ZNF567: variants seen among roughly 807,000 people sequenced by gnomAD.
ZNF567 encodes the protein zinc finger protein 567.
A neutral mutation model predicts 53.9 loss-of-function variants in ZNF567; 36 were observed. That is an observed-to-expected ratio of 0.67 (90% CI 0.51 to 0.88). The LOEUF (loss-of-function observed/expected upper bound fraction) is 0.88. Ranked by LOEUF, ZNF567 falls within the 40% of genes least tolerant of loss-of-function variation. The pLI, the probability that ZNF567 is intolerant of heterozygous loss-of-function variation, is 0.00. For missense variants in ZNF567, 619 were observed against 764.7 expected, an observed-to-expected ratio of 0.81 and a Z score of 2.25; for synonymous variants, 224 against 260.4, an observed-to-expected ratio of 0.86 and a Z score of 1.35.
chr19:36,683,688 A>G (rs2038219856), upstream of ZNF567, among the ~76,000 whole-genome samples: 1 of 152,024 alleles, frequency 6.6e-6, no homozygotes, highest in African/African-American at 2.4e-5. Context: ...AAAATTAGCC[A>G]TGCGTGGTGA....
At chr19:36,695,048 C>T (rs1047821293) in intron 3 of ZNF567, among the ~76,000 whole-genome samples, 172 bp downstream of exon 3, 2 of 151,700 alleles carry the variant, frequency 1.3e-5, no homozygotes, top group Admixed American at 6.6e-5. Context: ...TCCACAAATG[C>T]TCCCAATTTT....
chr19:36,723,148 G>C (rs1412780094), downstream of ZNF567: 3 of 702,638 alleles, frequency 4.3e-6, no homozygotes, highest in East Asian at 2.7e-5. Flanking sequence ...CAGAAGAATT[G>C]TACTCATGAC....
chr19:36,697,866 T>C (rs1181400723), intron 3 of ZNF567, among the ~76,000 whole-genome samples: 1 of 151,866 alleles, frequency 6.6e-6, no homozygotes, highest in South Asian at 2.1e-4. Context: ...CTGCCTTGGC[T>C]TCCCCAAGTA....
At chr19:36,704,137 A>T (rs1301995423) in intron 3 of ZNF567, among the ~76,000 whole-genome samples, 1 of 152,092 alleles carries the variant, frequency 6.6e-6, no homozygotes, top group Admixed American at 6.5e-5. Context: ...TGAGTGTTAA[A>T]TTTTCTCAAA....
the ZNF567 span, chr19:36,668,591 A>G: frequency 6.6e-6 from 1 of 152,214 alleles, no homozygotes; most frequent in Non-Finnish European, 1.5e-5. Flanking sequence ...CCTGAACCTT[A>G]GATGTATGCA....
intron 3 of ZNF567, among the ~76,000 whole-genome samples, chr19:36,706,669 G>GT (rs374899379): frequency 0.41 from 44,750 of 107,982 alleles, 9,479 homozygotes; most frequent in East Asian, 0.54. Flanking sequence ...TTTACTGTTG[G>GT]TTTTTTTTTT....
At chr19:36,672,933 A>T in the ZNF567 span, among the ~76,000 whole-genome samples, 5 of 152,348 alleles carry the variant, frequency 3.3e-5, no homozygotes, top group Middle Eastern at 0.01. Context: ...TAACCACGTG[A>T]GCAGTTACAG....
At chr19:36,698,960 C>T (rs2039034333) in intron 3 of ZNF567, among the ~76,000 whole-genome samples, 1 of 152,042 alleles carries the variant, frequency 6.6e-6, no homozygotes, top group African/African-American at 2.4e-5. Context: ...CTTTTGTTGC[C>T]ATTGCTTTTG....
At chr19:36,710,946 A>T (rs2039751267) in intron 3 of ZNF567, among the ~76,000 whole-genome samples, 1 of 152,090 alleles carries the variant, frequency 6.6e-6, no homozygotes, top group African/African-American at 2.4e-5. Flanking sequence ...GCCCTCGGTG[A>T]TCTCTCCAAC....
intron 2 of ZNF567, among the ~76,000 whole-genome samples, chr19:36,694,386 C>A (rs1257757354): frequency 6.6e-6 from 1 of 152,008 alleles, no homozygotes; most frequent in African/African-American, 2.4e-5. Context: ...AAACTAGAAC[C>A]ACAATTTACA....
chr19:36,704,057 C>G (rs2039360804), intron 3 of ZNF567, among the ~76,000 whole-genome samples: 1 of 152,198 alleles, frequency 6.6e-6, no homozygotes, highest in South Asian at 2.1e-4. Context: ...AGAGCTGTTC[C>G]TATTTGGCCT....
the ZNF567 span, among the ~76,000 whole-genome samples, chr19:36,676,313 G>C: frequency 6.6e-6 from 1 of 150,950 alleles, no homozygotes; most frequent in Non-Finnish European, 1.5e-5. Flanking sequence ...TGATCTGCCC[G>C]CCTCAACCTC....
At chr19:36,693,532 C>T (rs2145586874) in intron 2 of ZNF567, among the ~76,000 whole-genome samples, 1 of 152,246 alleles carries the variant, frequency 6.6e-6, no homozygotes, top group East Asian at 1.9e-4. Flanking sequence ...AACTTCCTTA[C>T]ATTTCATGGA....
At position 36,713,451 on chromosome 19, in the gene ZNF567, C is replaced by CAA. The variant is rs34536917; in HGVS notation, c.223+595_223+596dup. On this transcript the variant is annotated intron_variant, in intron 5 of 5. Coordinates refer to ENST00000682579, the MANE Select transcript of ZNF567 (RefSeq NM_001322917.1). ...TGGGAGACAGAGCAAGAGCCTGTCT[C>CAA]AAAAAAAAAAAAGCCAGGAATGATG... Among the ~76,000 whole-genome samples the CAA allele has an allele frequency of 4.0e-3, 543 of 136,826 alleles. 2 individuals carry two copies. The highest frequency in any genetic ancestry group is 0.013 in the African/African-American group (467 of 37,254). The allele number at this position is 136,826 out of a possible 152,430, so 89.8% of individuals were successfully genotyped here.
chr19:36,709,838 C>T (rs907062458), intron 3 of ZNF567, among the ~76,000 whole-genome samples: 1 of 152,150 alleles, frequency 6.6e-6, no homozygotes, highest in Non-Finnish European at 1.5e-5. Flanking sequence ...CTTTATGTTG[C>T]CTTCATTTTG....
At chr19:36,690,731 G>T (rs192332634) in intron 2 of ZNF567, among the ~76,000 whole-genome samples, 140 of 152,280 alleles carry the variant, frequency 9.2e-4, no homozygotes, top group Non-Finnish European at 1.7e-3. Flanking sequence ...GTGGATGATT[G>T]TTCATTATGA....
chr19:36,673,665 T>C, the ZNF567 span, among the ~76,000 whole-genome samples: 1 of 152,116 alleles, frequency 6.6e-6, no homozygotes, highest in African/African-American at 2.4e-5. Flanking sequence ...TAAATCTTTC[T>C]GTGTGCATGC....
chr19:36,692,126 G>T (rs1341074215), intron 2 of ZNF567, among the ~76,000 whole-genome samples: 4 of 152,128 alleles, frequency 2.6e-5, no homozygotes, highest in African/African-American at 7.2e-5. Flanking sequence ...TTCACATTCG[G>T]GTCTTTTTGT....
At chr19:36,703,409 C>G (rs907135477) in intron 3 of ZNF567, among the ~76,000 whole-genome samples, 3 of 151,876 alleles carry the variant, frequency 2.0e-5, no homozygotes, top group African/African-American at 7.3e-5. Flanking sequence ...GCAGTCTGCC[C>G]GTTCTCAGAT....
Sources: allele counts gnomAD v4.1 joint callset (sites outside exome capture counted in the v4.1 genomes callset), GRCh38; gene constraint gnomAD v4.1.1; transcripts MANE v1.5; gene names NCBI Gene and HGNC (gene_info 2026-07-23, HGNC 2026-07-21).